ZNF385B: variants seen among roughly 807,000 people sequenced by gnomAD.
The protein encoded by ZNF385B is zinc finger protein 533.
A neutral mutation model predicts 39.2 loss-of-function variants in ZNF385B; 23 were observed. That is an observed-to-expected ratio of 0.59 (90% CI 0.42 to 0.83). ZNF385B has a LOEUF of 0.83. Among genes scored for constraint, ZNF385B ranks in the 40% least tolerant of loss-of-function variants. The pLI is 0.00. For missense variants in ZNF385B, 552 were observed against 598.9 expected (o/e 0.92, Z 0.82); for synonymous variants, 205 against 222.6 (o/e 0.92, Z 0.70).
intron 3 of ZNF385B, among the ~76,000 whole-genome samples, chr2:179,601,432 C>T (rs1006450425): frequency 2.6e-5 from 4 of 152,180 alleles, no homozygotes; most frequent in South Asian, 4.1e-4. Context: ...ATAGAGTAAA[C>T]ATTTTTTTCT....
intron 3 of ZNF385B, among the ~76,000 whole-genome samples, chr2:179,711,015 C>G (rs1047382517): frequency 1.3e-5 from 2 of 152,166 alleles, no homozygotes; most frequent in Non-Finnish European, 2.9e-5. Context: ...TAATGTTACC[C>G]CCACTGTGGG....
At chr2:179,758,456 G>C (rs1397484365) in intron 3 of ZNF385B, among the ~76,000 whole-genome samples, 1 of 152,148 alleles carries the variant, frequency 6.6e-6, no homozygotes, top group Non-Finnish European at 1.5e-5. Flanking sequence ...TTTTATAAGA[G>C]CACTAATCCC....
At chr2:179,809,827 G>A (rs780484366) in intron 1 of ZNF385B, among the ~76,000 whole-genome samples, 2 of 151,880 alleles carry the variant, frequency 1.3e-5, no homozygotes, top group Non-Finnish European at 2.9e-5. Context: ...TATACCTTAA[G>A]AACTGTGGGA....
rs146888894 is a variant in ZNF385B, at chr2:179,458,468, T to C, written c.716-11698A>G. On this transcript the variant is annotated intron_variant, in intron 6 of 9. Transcript: ENST00000410066. ...TATCAGCAGCATGAAAATGGACTAATACAGAATATTACAGGCACGTCTTGT... is the reference window on the plus strand; with the variant it reads ...TATCAGCAGCATGAAAATGGACTAACACAGAATATTACAGGCACGTCTTGT... Among the ~76,000 whole-genome samples the C allele has an allele frequency of 3.2e-3, 488 of 152,290 alleles. 1 individual carries two copies. The highest frequency in any genetic ancestry group is 5.7e-3 in the Non-Finnish European group (390 of 68,020).
chr2:179,730,595 G>C (rs16866963), intron 3 of ZNF385B, among the ~76,000 whole-genome samples: 1 of 151,988 alleles, frequency 6.6e-6, no homozygotes, highest in East Asian at 1.9e-4. Flanking sequence ...ATGCTTCAAA[G>C]CCACTAATTA....
chr2:179,828,470 C>A (rs1031494408), intron 1 of ZNF385B, among the ~76,000 whole-genome samples: 1 of 152,132 alleles, frequency 6.6e-6, no homozygotes, highest in African/African-American at 2.4e-5. Context: ...AACATGACCT[C>A]ATTTCTGCTT....
chr2:179,453,208 C>T (rs2050328519), intron 6 of ZNF385B, among the ~76,000 whole-genome samples: 1 of 152,038 alleles, frequency 6.6e-6, no homozygotes, highest in African/African-American at 2.4e-5. Flanking sequence ...TTTTGGTTAT[C>T]TCTGGTTTGC....
intron 3 of ZNF385B, among the ~76,000 whole-genome samples, chr2:179,565,970 G>T (rs1234742012): frequency 6.6e-6 from 1 of 152,174 alleles, no homozygotes; most frequent in Non-Finnish European, 1.5e-5. Context: ...TCCCCAAAGA[G>T]CTCTAAGCTC....
At chr2:179,763,904 T>C (rs536886128) in intron 3 of ZNF385B, among the ~76,000 whole-genome samples, 10 of 152,196 alleles carry the variant, frequency 6.6e-5, no homozygotes, top group Non-Finnish European at 1.5e-4. Context: ...CCTTTGTGAA[T>C]AGCTGTATAG....
chr2:179,623,449 A>G (rs1690390578), intron 3 of ZNF385B, among the ~76,000 whole-genome samples: 1 of 152,208 alleles, frequency 6.6e-6, no homozygotes, highest in Admixed American at 6.5e-5. Context: ...ACTTAGACTC[A>G]GCTGATCGGA....
intron 3 of ZNF385B, among the ~76,000 whole-genome samples, chr2:179,703,207 T>C (rs1490294605): frequency 2.6e-5 from 4 of 152,192 alleles, no homozygotes; most frequent in East Asian, 1.9e-4. Flanking sequence ...GCAGCACCAC[T>C]AGCCTCTTTG....
intron 4 of ZNF385B, among the ~76,000 whole-genome samples, chr2:179,544,445 A>G (rs762910367): frequency 6.9e-6 from 1 of 145,354 alleles, no homozygotes; most frequent in Non-Finnish European, 1.5e-5. Flanking sequence ...TAAATCCTAC[A>G]GTCATTTTTT....
At chr2:179,693,253 G>A (rs552904175) in intron 3 of ZNF385B, among the ~76,000 whole-genome samples, 41 of 152,292 alleles carry the variant, frequency 2.7e-4, no homozygotes, top group South Asian at 8.3e-4. Context: ...GCTCACTTAT[G>A]TTAGCAATTC....
At chr2:179,796,797 A>C (rs1705692760) in intron 1 of ZNF385B, among the ~76,000 whole-genome samples, 1 of 152,192 alleles carries the variant, frequency 6.6e-6, no homozygotes, top group Non-Finnish European at 1.5e-5. Flanking sequence ...CAGGCTGAAC[A>C]GAGTAGGCTT....
At chr2:179,505,151 A>G (rs993341148) in intron 5 of ZNF385B, among the ~76,000 whole-genome samples, 5 of 152,256 alleles carry the variant, frequency 3.3e-5, no homozygotes, top group African/African-American at 7.2e-5. Flanking sequence ...AAATTGTTCT[A>G]TATCTTGACC....
intron 1 of ZNF385B, among the ~76,000 whole-genome samples, chr2:179,827,125 C>A (rs997926881): frequency 6.6e-6 from 1 of 152,176 alleles, no homozygotes; most frequent in Non-Finnish European, 1.5e-5. Flanking sequence ...CTTTATTAAG[C>A]ACTAGAAATA....
chr2:179,545,091 G>A, intron 3 of ZNF385B, 122 bp from the exon 4 acceptor site: 1 of 1,164,230 alleles, frequency 8.6e-7, no homozygotes, highest in Non-Finnish European at 1.3e-6. Flanking sequence ...TATGCTGTAA[G>A]TAAGCAAATG....
intron 4 of ZNF385B, among the ~76,000 whole-genome samples, chr2:179,521,353 G>GTTTTTTTTTTTTTTTTTTTTTTTT (rs56392185): frequency 1.3e-4 from 14 of 108,168 alleles, no homozygotes; most frequent in Non-Finnish European, 1.6e-4. Context: ...CACCTGGCCA[G>GTTTTTTTTTTTTTTTTTTTTTTTT]TTTTTTTTTT....
At chr2:179,568,458 T>C (rs1684845085) in intron 3 of ZNF385B, among the ~76,000 whole-genome samples, 1 of 152,252 alleles carries the variant, frequency 6.6e-6, no homozygotes, top group Non-Finnish European at 1.5e-5. Context: ...ATATTTTGAA[T>C]GAATGAATGA....
Sources: gnomAD v4.1 joint callset for allele counts (sites outside exome capture counted in the v4.1 genomes callset) on GRCh38, gnomAD v4.1.1 for gene constraint, MANE v1.5 for transcripts, NCBI Gene and HGNC (gene_info 2026-07-23, HGNC 2026-07-21) for gene names.